RBM48: variants seen among roughly 807,000 people sequenced by gnomAD.
RBM48 encodes RNA-binding protein 48.
A neutral mutation model predicts 34.8 loss-of-function variants in RBM48; 32 were observed. That is an observed-to-expected ratio of 0.92 (90% CI 0.69 to 1.23). RBM48 has a LOEUF of 1.23. Among genes scored for constraint, RBM48 ranks in the 50% most tolerant of loss-of-function variants. The pLI is 0.00. For missense variants in RBM48, 441 were observed against 447.2 expected, an observed-to-expected ratio of 0.99 and a Z score of 0.12; for synonymous variants, 151 against 156.2, an observed-to-expected ratio of 0.97 and a Z score of 0.25.
At chr7:92,534,060 A>T (rs1252099196) in intron 3 of RBM48, among the ~76,000 whole-genome samples, 1 of 152,104 alleles carries the variant, frequency 6.6e-6, no homozygotes, top group African/African-American at 2.4e-5. Context: ...GTGCAGAGAA[A>T]TGCGTATTAC....
intron 3 of RBM48, 26 bp downstream of exon 3, chr7:92,532,575 C>G: frequency 6.4e-7 from 1 of 1,560,920 alleles, no homozygotes. Context: ...TGCTAAATGC[C>G]TCCTGTGTGT....
Position 92,528,797 on chromosome 7 carries a change from G to C in RBM48, c.-17G>C. The C allele has an allele frequency of 3.7e-6, 6 of 1,605,354 alleles. No individual in the cohort carries two copies. The highest frequency in any genetic ancestry group is 5.1e-6 in the Non-Finnish European group (6 of 1,172,230). On this transcript the variant is annotated 5_prime_UTR_variant, in exon 1 of 5. Coordinates refer to ENST00000265732, the MANE Select transcript of RBM48 (RefSeq NM_032120.4). The stretch of plus-strand genomic sequence containing the variant: ...AGGGCGGATGTTGTCCTCCCTGCGA[G>C]GATCAAAGTAGGCAAGATGGCGTCG...
intron 3 of RBM48, among the ~76,000 whole-genome samples, chr7:92,533,194 G>C (rs1428699027): frequency 2.6e-5 from 4 of 152,228 alleles, no homozygotes; most frequent in Non-Finnish European, 5.9e-5. Flanking sequence ...TCTGGTAAGA[G>C]AGCTGTTGAG....
At chr7:92,533,626 C>T (rs968313892) in intron 3 of RBM48, among the ~76,000 whole-genome samples, 1 of 152,168 alleles carries the variant, frequency 6.6e-6, no homozygotes, top group Non-Finnish European at 1.5e-5. Flanking sequence ...AGCTCTCTTT[C>T]ATCTGCAGCA....
chr7:92,533,990 C>T (rs201724749), intron 3 of RBM48, among the ~76,000 whole-genome samples: 1 of 134,264 alleles, frequency 7.4e-6, no homozygotes, highest in South Asian at 2.3e-4. Flanking sequence ...AAAAAAAAAA[C>T]CTTTCTATAT....
At chr7:92,536,751 A>G in intron 4 of RBM48, 100 bp from the exon 5 acceptor site, 1 of 1,394,486 alleles carries the variant, frequency 7.2e-7, no homozygotes, top group Non-Finnish European at 9.3e-7. Flanking sequence ...AGTGACATCA[A>G]GGATTGAACT....
Position 92,534,546 on chromosome 7 carries a change from C to T in RBM48, c.593C>T (p.Ser198Phe). ...AGNSNPYLPY[S>F]CELPLCYFSS... ...AACTCAAATCCTTATCTTCCGTATTCCTGTGAATTGCCTTTATGTTATTTC... is the reference window on the plus strand; with the variant it reads ...AACTCAAATCCTTATCTTCCGTATTTCTGTGAATTGCCTTTATGTTATTTC... The change falls in exon 4 of 5, where the codon TCC becomes TTC. Residue 198 changes from serine (S) to phenylalanine (F), a missense_variant. Transcript: ENST00000265732. 6.2e-7 allele frequency: 1 copy of T among 1,614,126 alleles called. No individual in the cohort carries two copies. Among genetic ancestry groups the T allele is most frequent in the South Asian group, 1.1e-5 (1 of 91,066 alleles).
intron 4 of RBM48, 70 bp from the exon 5 acceptor site, chr7:92,536,781 C>T (rs1341148116): frequency 6.7e-6 from 10 of 1,493,074 alleles, no homozygotes; most frequent in African/African-American, 2.9e-5. Context: ...AGTCTTACCT[C>T]TTCTAATAGC....
At chr7:92,536,335 T>C in intron 4 of RBM48, 1 of 977,772 alleles carries the variant, frequency 1.0e-6, no homozygotes, top group Non-Finnish European at 1.2e-6. Flanking sequence ...TTCTAATAAT[T>C]TTCCATTTCA....
chr7:92,528,832 G>T lies in RBM48; in HGVS notation c.19G>T (p.Glu7Ter). Residue 7 changes from glutamate to a stop codon, truncating the protein, a stop_gained, in exon 1 of 5, where the codon GAG (glutamate) becomes TAG (stop). Coordinates refer to ENST00000265732, the MANE Select transcript of RBM48 (RefSeq NM_032120.4). LOFTEE classifies it high-confidence loss of function. MASSGG[E>*]LGSLFDHHVQ... ...AGGCAAGATGGCGTCGAGCGGCGGGGAGCTAGGGAGTTTATTTGATCACCA... is the reference window on the plus strand; with the variant it reads ...AGGCAAGATGGCGTCGAGCGGCGGGTAGCTAGGGAGTTTATTTGATCACCA... 2 of 1,614,094 alleles carry T rather than the reference G, an allele frequency of 1.2e-6. No homozygotes were observed. Among genetic ancestry groups the T allele is most frequent in the Non-Finnish European group, 1.7e-6 (2 of 1,179,976 alleles).
In RBM48 at chr7:92,539,693, T is replaced by C. The variant is rs1046608134; in HGVS notation, c.*2756T>C. Among the ~76,000 whole-genome samples, 1 of 152,140 alleles carries C rather than the reference T, an allele frequency of 6.6e-6. No individual in the cohort carries two copies. Among genetic ancestry groups the C allele is most frequent in the African/African-American group, 2.4e-5 (1 of 41,434 alleles). On this transcript the variant is annotated 3_prime_UTR_variant, in exon 5 of 5. Transcript: ENST00000265732. ...CAGTCTGGGCAACAGACGGAGACTG[T>C]GTCTCAAAAAAAAGTGTTCTTGTAT...
At chr7:92,530,059 C>T (rs1027113476) in intron 2 of RBM48, among the ~76,000 whole-genome samples, 3 of 151,622 alleles carry the variant, frequency 2.0e-5, no homozygotes, top group African/African-American at 7.3e-5. Context: ...GGCCTGTAAT[C>T]CCAGCTACTC....
chr7:92,535,344 A>G (rs1405167519), intron 4 of RBM48: 2 of 1,132,654 alleles, frequency 1.8e-6, no homozygotes, highest in African/African-American at 1.6e-5. Context: ...ATTTCTCTCA[A>G]ATTTAGAGTT....
At chr7:92,534,122 A>G (rs1286406685) in intron 3 of RBM48, 2 of 349,754 alleles carry the variant, frequency 5.7e-6, no homozygotes, top group Non-Finnish European at 1.0e-5. Flanking sequence ...GCAAAGTGAG[A>G]CATATTGAAC....
chr7:92,532,390 G>A lies in RBM48; in HGVS notation c.303-14G>A, dbSNP rs1175603664. 2.5e-6 allele frequency: 4 copies of A among 1,594,966 alleles called. No individual in the cohort carries two copies. Among genetic ancestry groups the A allele is most frequent in the Admixed American group, 1.8e-5 (1 of 55,286 alleles). On this transcript the variant is annotated splice_polypyrimidine_tract_variant and intron_variant, in intron 2 of 4. Coordinates refer to ENST00000265732, the MANE Select transcript of RBM48 (RefSeq NM_032120.4). Reference sequence around the variant, plus strand: ...CTAGATTAAAAAACTATGCTATCTTGTATTTCCATTCAGGACAGCCAAGAG... The same window carrying A: ...CTAGATTAAAAAACTATGCTATCTTATATTTCCATTCAGGACAGCCAAGAG...
At position 92,539,773 on chromosome 7, in the gene RBM48, A is replaced by G. The variant is rs190161850; in HGVS notation, c.*2836A>G. ...GAAGAACATGTAAGGCAATTTTATG[A>G]GCCAAATCAATTATTAGACTGATAC... is the stretch of plus-strand genomic sequence containing the variant. On this transcript the variant is annotated 3_prime_UTR_variant, in exon 5 of 5. Transcript: ENST00000265732. Among the ~76,000 whole-genome samples, 855 of 152,358 alleles carry G rather than the reference A, an allele frequency of 5.6e-3. 4 individuals are homozygous for G. Among genetic ancestry groups the G allele is most frequent in the Middle Eastern group, 0.037 (11 of 294 alleles).
chr7:92,533,289 G>T (rs978434613), intron 3 of RBM48, among the ~76,000 whole-genome samples: 4 of 152,172 alleles, frequency 2.6e-5, no homozygotes, highest in African/African-American at 4.8e-5. Context: ...TGTTTGTGTG[G>T]CAAAGGAAAT....
At position 92,537,464 on chromosome 7, in the gene RBM48, GA is replaced by G. The variant is rs774102782; in HGVS notation, c.*529del. 2 of 152,136 alleles carry G rather than the reference GA, an allele frequency of 1.3e-5. No individual in the cohort carries two copies. Among genetic ancestry groups the G allele is most frequent in the African/African-American group, 2.4e-5 (1 of 41,414 alleles). 9.4% of individuals were successfully genotyped at this position (152,136 alleles called of 1,614,324 possible). A position where few individuals can be genotyped will look rare whatever the true frequency, so the allele number is the denominator to read the frequency against. ...TACAGTAATTATATGTAAATTAATT[GA>G]AGCAAATATGGAAACTTTACAATAG... On this transcript the variant is annotated 3_prime_UTR_variant, in exon 5 of 5. Coordinates refer to ENST00000265732, the MANE Select transcript of RBM48 (RefSeq NM_032120.4).
Position 92,532,437 on chromosome 7 carries a change from C to A in RBM48, c.336C>A (p.Phe112Leu). The change falls in exon 3 of 5, where the codon TTC (phenylalanine) becomes TTA (leucine). Residue 112 changes from phenylalanine (F) to leucine (L), a missense_variant. Phe to Leu is a conservative substitution (Grantham distance 22). Coordinates refer to ENST00000265732, the MANE Select transcript of RBM48 (RefSeq NM_032120.4). The stretch of plus-strand genomic sequence containing the variant: ...AGAGAAAAATGGATGAACAGAGTTT[C>A]TTCGGTGGATTGCTTCATGTGTGCT... Reference protein sequence around the residue: ...TAKRKMDEQSFFGGLLHVCYA... With the variant: ...TAKRKMDEQSLFGGLLHVCYA... The A allele has an allele frequency of 6.2e-7, 1 of 1,612,018 alleles. No individual in the cohort carries two copies. Among genetic ancestry groups the A allele is most frequent in the Non-Finnish European group, 8.5e-7 (1 of 1,178,744 alleles).
Sources: gnomAD v4.1 joint callset for allele counts (sites outside exome capture counted in the v4.1 genomes callset) on GRCh38, gnomAD v4.1.1 for gene constraint, MANE v1.5 for transcripts, NCBI Gene and HGNC (gene_info 2026-07-23, HGNC 2026-07-21) for gene names.